SLCO3A1: variants seen among roughly 807,000 people sequenced by gnomAD.
SLCO3A1 encodes the protein PGE1 transporter.
SLCO3A1 carries 27 observed loss-of-function variants against 63.1 expected under a neutral mutation model. The observed-to-expected ratio is 0.43, with a 90% CI of 0.32 to 0.59. The LOEUF is 0.59. Among genes scored for constraint, SLCO3A1 ranks in the 20% least tolerant of loss-of-function variants. SLCO3A1 has a pLI of 0.09. For missense variants in SLCO3A1, 773 were observed against 945.8 expected (o/e 0.82, Z 2.40); for synonymous variants, 473 against 409.9 (o/e 1.15, Z -1.86).
At chr15:91,904,036 A>G (rs929698500) in intron 1 of SLCO3A1, among the ~76,000 whole-genome samples, 12 of 58,350 alleles carry the variant, frequency 2.1e-4, no homozygotes, top group Admixed American at 2.0e-3. Flanking sequence ...TGGGTCGGGT[A>G]GAGGGATCTG....
At chr15:91,995,708 T>C (rs2151448191) in intron 2 of SLCO3A1, among the ~76,000 whole-genome samples, 1 of 135,282 alleles carries the variant, frequency 7.4e-6, no homozygotes, top group East Asian at 2.1e-4. Flanking sequence ...GGAAAAAAGT[T>C]ATACATACCT....
At chr15:91,989,433 G>T (rs926731288) in intron 2 of SLCO3A1, among the ~76,000 whole-genome samples, 4 of 152,186 alleles carry the variant, frequency 2.6e-5, no homozygotes, top group African/African-American at 7.2e-5. Flanking sequence ...CTTATGGATT[G>T]TATGTCCGTA....
Position 91,889,178 on chromosome 15 carries a change from A to C in SLCO3A1, c.181-26815A>C, listed in dbSNP as rs1457004311. The C allele has an allele frequency of 5.4e-6, 7 of 1,287,336 alleles. No individual in the cohort carries two copies. In the Admixed American group the frequency reaches 1.6e-4, roughly 30 times the overall value. The allele number at this position is 1,287,336 out of a possible 1,614,324, so 79.7% of individuals were successfully genotyped here. A position where few individuals can be genotyped will look rare whatever the true frequency, so the allele number is the denominator to read the frequency against. ...ATTGTTCCTTGACTGATGTCATAAC[A>C]CTGGAGATGCATGCTCCTTAGATGA... On this transcript the variant is annotated intron_variant, in intron 1 of 9. Coordinates refer to ENST00000318445, the MANE Select transcript of SLCO3A1 (RefSeq NM_013272.4).
chr15:92,121,864 A>C (rs2047866491), intron 5 of SLCO3A1, among the ~76,000 whole-genome samples: 1 of 152,166 alleles, frequency 6.6e-6, no homozygotes, highest in African/African-American at 2.4e-5. Context: ...TGAGGGCCCA[A>C]ATGTCTCTGT....
intron 6 of SLCO3A1, 117 bp downstream of exon 6, chr15:92,126,376 G>C (rs1411193797): frequency 9.1e-6 from 7 of 772,878 alleles, no homozygotes; most frequent in Non-Finnish European, 1.5e-5. Flanking sequence ...ACGCATCACG[G>C]CTGCCTCTGC....
chr15:91,940,764 G>T (rs1416402929), intron 2 of SLCO3A1, among the ~76,000 whole-genome samples: 1 of 152,204 alleles, frequency 6.6e-6, no homozygotes, highest in Non-Finnish European at 1.5e-5. Flanking sequence ...AATGCCCTGT[G>T]TAAATCCCCC....
intron 2 of SLCO3A1, among the ~76,000 whole-genome samples, chr15:92,003,613 G>A (rs1225642168): frequency 2.6e-5 from 4 of 152,156 alleles, no homozygotes; most frequent in African/African-American, 9.7e-5. Context: ...AGACTTCATG[G>A]GAAAGGTCAG....
intron 1 of SLCO3A1, among the ~76,000 whole-genome samples, chr15:91,889,897 C>G (rs1019741481): frequency 6.6e-6 from 1 of 150,994 alleles, no homozygotes; most frequent in Non-Finnish European, 1.5e-5. Context: ...GAAAGATAGT[C>G]TTTCCTAGTC....
rs1898116164 is a variant in SLCO3A1 at position 91,900,199 on chromosome 15, A to G, written c.181-15794A>G. ...GGGTCATGTGGTAAATTTATGCTTA[A>G]CTTTTTAAGAAGCTGTTCAACTGCT... On this transcript the variant is annotated intron_variant, in intron 1 of 9. Coordinates refer to ENST00000318445, the MANE Select transcript of SLCO3A1 (RefSeq NM_013272.4). This position sits in a 1 kb window ranked among gnomAD's most constrained non-coding sequence, Gnocchi z 4.3. Among the ~76,000 whole-genome samples, 1 of 152,232 alleles carries G rather than the reference A, an allele frequency of 6.6e-6. No individual in the cohort carries two copies. Among genetic ancestry groups the G allele is most frequent in the South Asian group, 2.1e-4 (1 of 4,838 alleles).
At chr15:92,024,970 C>T (rs1305426000) in intron 2 of SLCO3A1, among the ~76,000 whole-genome samples, 1 of 152,058 alleles carries the variant, frequency 6.6e-6, no homozygotes, top group Non-Finnish European at 1.5e-5. Context: ...TCCATTCATC[C>T]ATCCATCCAG....
intron 7 of SLCO3A1, among the ~76,000 whole-genome samples, chr15:92,143,930 C>A (rs747956881): frequency 6.6e-6 from 1 of 152,154 alleles, no homozygotes; most frequent in Non-Finnish European, 1.5e-5. Flanking sequence ...GGGCACTCTG[C>A]GATGTGGGGA....
intron 7 of SLCO3A1, among the ~76,000 whole-genome samples, chr15:92,145,182 A>T (rs1596143096): frequency 6.6e-6 from 1 of 152,258 alleles, no homozygotes; most frequent in African/African-American, 2.4e-5. Context: ...GCCCCACCGG[A>T]TTCATGCGTG....
At chr15:92,161,007 A>T (rs1293565783) in intron 9 of SLCO3A1, among the ~76,000 whole-genome samples, 1 of 152,110 alleles carries the variant, frequency 6.6e-6, no homozygotes, top group African/African-American at 2.4e-5. Context: ...ATCTCATCAA[A>T]ATCTCAGAGG....
At chr15:92,081,788 C>G (rs769823136) in intron 2 of SLCO3A1, among the ~76,000 whole-genome samples, 1 of 152,222 alleles carries the variant, frequency 6.6e-6, no homozygotes, top group Non-Finnish European at 1.5e-5. Context: ...GGGAAAAGCC[C>G]ATTGCCTAGT....
chr15:92,130,897 A>C (rs1365068736), intron 7 of SLCO3A1, among the ~76,000 whole-genome samples: 3 of 151,458 alleles, frequency 2.0e-5, no homozygotes, highest in Non-Finnish European at 2.9e-5. Context: ...AAAAAAAAAA[A>C]AAAAAAAAAA....
At chr15:92,077,847 A>T (rs2047297585) in intron 2 of SLCO3A1, among the ~76,000 whole-genome samples, 1 of 152,190 alleles carries the variant, frequency 6.6e-6, no homozygotes, top group African/African-American at 2.4e-5. Context: ...CAAAGCCCTC[A>T]ACCTTCTGCT....
intron 1 of SLCO3A1, among the ~76,000 whole-genome samples, chr15:91,899,664 A>G (rs933494948): frequency 6.6e-6 from 1 of 152,194 alleles, no homozygotes; most frequent in Non-Finnish European, 1.5e-5. Context: ...ATACAAGTCA[A>G]TGATTTTTAA....
Position 91,854,597 on chromosome 15 carries a change from T to C in SLCO3A1, c.180+509T>C, listed in dbSNP as rs999480137. Reference sequence around the variant, plus strand: ...TACATCCGCCAATTACAGGGGGATATAACAGCTTAGAGTGAAATGCGCCCT... The same window carrying C: ...TACATCCGCCAATTACAGGGGGATACAACAGCTTAGAGTGAAATGCGCCCT... On this transcript the variant is annotated intron_variant, in intron 1 of 9. Coordinates refer to ENST00000318445, the MANE Select transcript of SLCO3A1 (RefSeq NM_013272.4). This position sits in a 1 kb window ranked among gnomAD's most constrained non-coding sequence, Gnocchi z 6.4. Among the ~76,000 whole-genome samples the C allele has an allele frequency of 2.6e-5, 4 of 151,992 alleles. No individual in the cohort carries two copies. Among genetic ancestry groups the C allele is most frequent in the African/African-American group, 7.3e-5 (3 of 41,356 alleles).
intron 2 of SLCO3A1, among the ~76,000 whole-genome samples, chr15:91,946,239 C>G (rs1297151488): frequency 6.6e-6 from 1 of 152,160 alleles, no homozygotes; most frequent in Non-Finnish European, 1.5e-5. Flanking sequence ...AGAGGTTGAG[C>G]CACTCAGCTG....
Sources: allele counts gnomAD v4.1 joint callset (sites outside exome capture counted in the v4.1 genomes callset), GRCh38; gene constraint gnomAD v4.1.1; non-coding constraint Gnocchi (gnomAD v3.1); transcripts MANE v1.5; gene names NCBI Gene and HGNC (gene_info 2026-07-23, HGNC 2026-07-21).